The following OR10A4 variants were observed in gnomAD, a reference collection of about 807,000 sequenced individuals.
OR10A4 encodes olfactory receptor family 10 subfamily A member 4.
Under a neutral mutation model 15.4 loss-of-function variants are expected in OR10A4, and 18 were observed. That is an observed-to-expected ratio of 1.17 (90% CI 0.81 to 1.74). The LOEUF (loss-of-function observed/expected upper bound fraction) is 1.74, where lower values mean the gene tolerates loss of function less well. OR10A4 is among the 40% of genes most tolerant of loss of function. The pLI is 0.00. For missense variants in OR10A4, 455 were observed against 372.3 expected (o/e 1.22, Z -1.83); for synonymous variants, 161 against 149.5 (o/e 1.08, Z -0.56).
rs1468201052 is a variant in OR10A4 at position 6,876,851 on chromosome 11, C to T, written c.204C>T (p.Ser68=). Residue 68 remains serine, a synonymous_variant, in exon 1 of 1, where the codon TCC becomes TCT. Coordinates refer to ENST00000379829, the MANE Select transcript of OR10A4 (RefSeq NM_207186.2). The stretch of plus-strand genomic sequence containing the variant: ...TGTACTTCTTCCTCAGAAACTTGTC[C>T]TTCCTGGAGATAGGTTTCAACTTGG... ...SPMYFFLRNL[S]FLEIGFNLVI... The T allele has an allele frequency of 3.7e-6, 6 of 1,614,042 alleles. No homozygotes were observed. The highest frequency in any genetic ancestry group is 4.2e-6 in the Non-Finnish European group (5 of 1,179,992).
In OR10A4 at chr11:6,876,667, C is replaced by T; in HGVS notation, c.20C>T (p.Thr7Ile). The T allele has an allele frequency of 6.2e-7, 1 of 1,611,426 alleles. No homozygotes were observed. Among genetic ancestry groups the T allele is most frequent in the South Asian group, 1.1e-5 (1 of 90,464 alleles). The change falls in exon 1 of 1, where the codon ACA becomes ATA. Residue 7 changes from threonine (T) to isoleucine (I), a missense_variant. By Grantham distance (89) the Thr-to-Ile change is moderately conservative. Transcript: ENST00000379829. ...AGAAGAATGATGTGGGAAAACTGGA[C>T]AATTGTCAGTGAATTTGTTCTCGTG... MMWENW[T>I]IVSEFVLVSF...
Position 6,877,134 on chromosome 11 carries a change from T to C in OR10A4, c.487T>C (p.Trp163Arg), listed in dbSNP as rs79248635. The change falls in exon 1 of 1, where the codon TGG becomes CGG. Residue 163 changes from tryptophan to arginine, a missense_variant. Transcript: ENST00000379829. ...TTCAGTGGCCACTGTGCAAACCACA[T>C]GGATTTTCAGTTTCCCTTTTTGTGG... ...GFSVATVQTT[W>R]IFSFPFCGPN... 957 of 1,614,208 alleles carry C rather than the reference T, an allele frequency of 5.9e-4. 9 individuals are homozygous for C. In the African/African-American group the frequency reaches 0.011, roughly 18 times the overall value.
At position 6,877,053 on chromosome 11, in the gene OR10A4, A is replaced by G. The variant is rs1323388926; in HGVS notation, c.406A>G (p.Ile136Val). ...AICDPLHYPV[I>V]MGHISCAQLA... ...CTGTGACCCCTTGCACTACCCAGTC[A>G]TCATGGGCCACATATCCTGTGCCCA... The change falls in exon 1 of 1, where the codon ATC becomes GTC. Residue 136 changes from isoleucine to valine, a missense_variant. By Grantham distance (29) the Ile-to-Val change is conservative. Transcript: ENST00000379829. 1.9e-6 allele frequency: 3 copies of G among 1,614,220 alleles called. No homozygotes were observed. The highest frequency in any genetic ancestry group is 1.7e-6 in the Non-Finnish European group (2 of 1,180,030).
Position 6,877,050 on chromosome 11 carries a change from G to C in OR10A4, c.403G>C (p.Val135Leu). The stretch of plus-strand genomic sequence containing the variant: ...CATCTGTGACCCCTTGCACTACCCA[G>C]TCATCATGGGCCACATATCCTGTGC... ...VAICDPLHYPVIMGHISCAQL... is the reference protein window; with the variant it reads ...VAICDPLHYPLIMGHISCAQL... The change falls in exon 1 of 1, where the codon GTC becomes CTC. Residue 135 changes from valine to leucine, a missense_variant. Transcript: ENST00000379829. 6.2e-7 allele frequency: 1 copy of C among 1,614,212 alleles called. No homozygotes were observed.
chr11:6,876,834 T>C lies in OR10A4; in HGVS notation c.187T>C (p.Phe63Leu). 6.2e-7 allele frequency: 1 copy of C among 1,614,234 alleles called. No individual in the cohort carries two copies. Residue 63 changes from phenylalanine (F) to leucine (L), a missense_variant, in exon 1 of 1, where the codon TTC (phenylalanine) becomes CTC (leucine). Phe to Leu is a conservative substitution (Grantham distance 22). Transcript: ENST00000379829. ...TGCACTACAAAGTCCTATGTACTTC[T>C]TCCTCAGAAACTTGTCCTTCCTGGA... Reference protein sequence around the residue: ...DSALQSPMYFFLRNLSFLEIG... With the variant: ...DSALQSPMYFLLRNLSFLEIG...
Position 6,877,441 on chromosome 11 carries a change from C to T in OR10A4, c.794C>T (p.Ser265Phe), listed in dbSNP as rs772183811. 3 of 1,614,090 alleles carry T rather than the reference C, an allele frequency of 1.9e-6. No homozygotes were observed. The highest frequency in any genetic ancestry group is 2.2e-5 in the East Asian group (1 of 44,876). Reference protein sequence around the residue: ...TAILTYFRPQSSASSESKKLL... With the variant: ...TAILTYFRPQFSASSESKKLL... ...ATCCTCACGTATTTCCGACCCCAAT[C>T]CAGTGCCTCTTCTGAGAGCAAGAAG... The change falls in exon 1 of 1, where the codon TCC becomes TTC. Residue 265 changes from serine to phenylalanine, a missense_variant. Transcript: ENST00000379829.
In OR10A4 at chr11:6,877,034, C is replaced by T. The variant is rs745763592; in HGVS notation, c.387C>T (p.Asp129=). 6.2e-7 allele frequency: 1 copy of T among 1,614,114 alleles called. No homozygotes were observed. ...MAYDRYVAIC[D]PLHYPVIMGH... is the part of the protein sequence containing the mutation. ...ATGACCGCTACGTGGCCATCTGTGA[C>T]CCCTTGCACTACCCAGTCATCATGG... is the stretch of plus-strand genomic sequence containing the variant. Residue 129 remains aspartate (D), a synonymous_variant, in exon 1 of 1, where the codon GAC becomes GAT. Coordinates refer to ENST00000379829, the MANE Select transcript of OR10A4 (RefSeq NM_207186.2).
At position 6,877,513 on chromosome 11, in the gene OR10A4, T is replaced by A; in HGVS notation, c.866T>A (p.Ile289Asn). The A allele has an allele frequency of 6.2e-7, 1 of 1,614,128 alleles. No individual in the cohort carries two copies. Among genetic ancestry groups the A allele is most frequent in the Non-Finnish European group, 8.5e-7 (1 of 1,180,018 alleles). The part of the protein sequence containing the change: ...STVVTPMLNP[I>N]IYSSRNKEVK... Reference sequence around the variant, plus strand: ...GTGGTGACTCCCATGTTGAACCCCATCATCTACAGCTCAAGGAATAAAGAA... The same window carrying A: ...GTGGTGACTCCCATGTTGAACCCCAACATCTACAGCTCAAGGAATAAAGAA... Residue 289 changes from isoleucine to asparagine, a missense_variant, in exon 1 of 1, where the codon ATC becomes AAC. By Grantham distance (149) the Ile-to-Asn change is moderately radical. Coordinates refer to ENST00000379829, the MANE Select transcript of OR10A4 (RefSeq NM_207186.2).
In OR10A4 at chr11:6,877,591, T is replaced by C; in HGVS notation, c.944T>C (p.Leu315Pro). The C allele has an allele frequency of 6.3e-7, 1 of 1,599,038 alleles. No homozygotes were observed. The highest frequency in any genetic ancestry group is 1.1e-5 in the South Asian group (1 of 89,772). The change falls in exon 1 of 1, where the codon CTA becomes CCA. Residue 315 changes from leucine (L) to proline (P), a missense_variant. Physicochemically the swap from Leu to Pro is moderately conservative, Grantham distance 98. Transcript: ENST00000379829. Reference protein sequence around the residue: ...LIHRTLGSQKL With the variant: ...LIHRTLGSQKP ...CACAGGACCCTGGGCTCTCAGAAAC[T>C]ATGATTGGCTTAGATGGAAACTGAA...
chr11:6,877,434 C>A lies in OR10A4; in HGVS notation c.787C>A (p.Pro263Thr). 8 of 1,614,086 alleles carry A rather than the reference C, an allele frequency of 5.0e-6. No individual in the cohort carries two copies. Among genetic ancestry groups the A allele is most frequent in the Middle Eastern group, 1.6e-4 (1 of 6,062 alleles). Reference sequence around the variant, plus strand: ...CACTGCCATCCTCACGTATTTCCGACCCCAATCCAGTGCCTCTTCTGAGAG... The same window carrying A: ...CACTGCCATCCTCACGTATTTCCGAACCCAATCCAGTGCCTCTTCTGAGAG... ...YSTAILTYFR[P>T]QSSASSESKK... is the part of the protein sequence containing the mutation. Residue 263 changes from proline (P) to threonine (T), a missense_variant, in exon 1 of 1, where the codon CCC becomes ACC. Transcript: ENST00000379829.
rs747996010 is a variant in OR10A4, at chr11:6,877,283, C to A, written c.636C>A (p.Phe212Leu). 7 of 1,614,124 alleles carry A rather than the reference C, an allele frequency of 4.3e-6. No individual in the cohort carries two copies. The highest frequency in any genetic ancestry group is 5.9e-6 in the Non-Finnish European group (7 of 1,180,060). Residue 212 changes from phenylalanine to leucine, a missense_variant, in exon 1 of 1, where the codon TTC becomes TTA. By Grantham distance (22) the Phe-to-Leu change is conservative (BLOSUM62 0). Coordinates refer to ENST00000379829, the MANE Select transcript of OR10A4 (RefSeq NM_207186.2). ...TATVLFILFP[F>L]LLILGSYVRI... ...CTGTCCTATTCATTCTCTTTCCTTTCTTGCTGATCCTGGGATCCTATGTCC... is the reference window on the plus strand; with the variant it reads ...CTGTCCTATTCATTCTCTTTCCTTTATTGCTGATCCTGGGATCCTATGTCC...
chr11:6,876,770 G>A lies in OR10A4; in HGVS notation c.123G>A (p.Met41Ile). 3 of 1,613,896 alleles carry A rather than the reference G, an allele frequency of 1.9e-6. No homozygotes were observed. The highest frequency in any genetic ancestry group is 2.2e-5 in the South Asian group (2 of 91,068). Residue 41 changes from methionine to isoleucine, a missense_variant, in exon 1 of 1, where the codon ATG becomes ATA. Met to Ile is a conservative substitution (Grantham distance 10). Transcript: ENST00000379829. ...TGACCATTTACTTGGTTACTTTAAT[G>A]GGCAATGTCCTCATCATCCTGGTCA... ...LFLTIYLVTL[M>I]GNVLIILVTI...
Position 6,877,095 on chromosome 11 carries a change from T to C in OR10A4, c.448T>C (p.Trp150Arg). ...ISCAQLAAASWFSGFSVATVQ... is the reference protein window; with the variant it reads ...ISCAQLAAASRFSGFSVATVQ... ...CTGTGCCCAGCTGGCAGCTGCCTCT[T>C]GGTTCTCAGGGTTTTCAGTGGCCAC... The change falls in exon 1 of 1, where the codon TGG (tryptophan) becomes CGG (arginine). Residue 150 changes from tryptophan (W) to arginine (R), a missense_variant. By Grantham distance (101) the Trp-to-Arg change is moderately radical (BLOSUM62 -3). Transcript: ENST00000379829. 2 of 1,614,224 alleles carry C rather than the reference T, an allele frequency of 1.2e-6. No individual in the cohort carries two copies. Among genetic ancestry groups the C allele is most frequent in the Non-Finnish European group, 1.7e-6 (2 of 1,180,024 alleles).
At position 6,877,133 on chromosome 11, in the gene OR10A4, A is replaced by G; in HGVS notation, c.486A>G (p.Thr162=). The change falls in exon 1 of 1, where the codon ACA becomes ACG. Residue 162 remains threonine (T), a synonymous_variant. Coordinates refer to ENST00000379829, the MANE Select transcript of OR10A4 (RefSeq NM_207186.2). ...TTTCAGTGGCCACTGTGCAAACCAC[A>G]TGGATTTTCAGTTTCCCTTTTTGTG... ...SGFSVATVQT[T]WIFSFPFCGP... 6.2e-7 allele frequency: 1 copy of G among 1,614,174 alleles called. No individual in the cohort carries two copies. Among genetic ancestry groups the G allele is most frequent in the Non-Finnish European group, 8.5e-7 (1 of 1,180,034 alleles).
chr11:6,877,512 A>C lies in OR10A4; in HGVS notation c.865A>C (p.Ile289Leu). ...STVVTPMLNP[I>L]IYSSRNKEVK... is the part of the protein sequence containing the mutation. ...AGTGGTGACTCCCATGTTGAACCCC[A>C]TCATCTACAGCTCAAGGAATAAAGA... Residue 289 changes from isoleucine (I) to leucine (L), a missense_variant, in exon 1 of 1, where the codon ATC (isoleucine) becomes CTC (leucine). Ile to Leu is a conservative substitution (Grantham distance 5). Coordinates refer to ENST00000379829, the MANE Select transcript of OR10A4 (RefSeq NM_207186.2). The C allele has an allele frequency of 3.1e-6, 5 of 1,614,152 alleles. No homozygotes were observed. The highest frequency in any genetic ancestry group is 4.2e-6 in the Non-Finnish European group (5 of 1,180,014).
rs150905922 is a variant in OR10A4, at chr11:6,877,294, T to G, written c.647T>G (p.Leu216Arg). Residue 216 changes from leucine to arginine, a missense_variant, in exon 1 of 1, where the codon CTG becomes CGG. Coordinates refer to ENST00000379829, the MANE Select transcript of OR10A4 (RefSeq NM_207186.2). ...ATTCTCTTTCCTTTCTTGCTGATCC[T>G]GGGATCCTATGTCCGCATCCTCTCC... Reference protein sequence around the residue: ...LFILFPFLLILGSYVRILSTI... With the variant: ...LFILFPFLLIRGSYVRILSTI... 5.7e-4 allele frequency: 922 copies of G among 1,614,246 alleles called. 4 individuals carry two copies. In the African/African-American group the frequency reaches 0.011, roughly 19 times the overall value.
At position 6,877,322 on chromosome 11, in the gene OR10A4, T is replaced by C. The variant is rs147103801; in HGVS notation, c.675T>C (p.Thr225=). 8.8e-5 allele frequency: 142 copies of C among 1,614,058 alleles called. No individual in the cohort carries two copies. Among genetic ancestry groups the C allele is most frequent in the Non-Finnish European group, 1.2e-4 (140 of 1,180,012 alleles). The change falls in exon 1 of 1, where the codon ACT becomes ACC. Residue 225 remains threonine (T), a synonymous_variant. Transcript: ENST00000379829. ...ILGSYVRILS[T]IFRMPSAEGK... ...GATCCTATGTCCGCATCCTCTCCAC[T>C]ATCTTCAGGATGCCGTCAGCTGAGG...
Position 6,876,981 on chromosome 11 carries a change from G to C in OR10A4, c.334G>C (p.Glu112Gln), listed in dbSNP as rs771743782. 13 of 1,614,054 alleles carry C rather than the reference G, an allele frequency of 8.1e-6. No homozygotes were observed. In the African/African-American group the frequency reaches 1.2e-4, roughly 15 times the overall value. ...TTTCTTCTTCTTTTTTGGGGCTGCT[G>C]AGTGCTGCCTCCTGGCCACCATGGC... ...MYFFFFFGAA[E>Q]CCLLATMAYD... Residue 112 changes from glutamate (E) to glutamine (Q), a missense_variant, in exon 1 of 1, where the codon GAG becomes CAG. By Grantham distance (29) the Glu-to-Gln change is conservative. Transcript: ENST00000379829.
In OR10A4 at chr11:6,877,558, G is replaced by A. The variant is rs140094304; in HGVS notation, c.911G>A (p.Arg304Gln). 5,028 of 1,613,892 alleles carry A rather than the reference G, an allele frequency of 3.1e-3. 38 individuals are homozygous for A. Among genetic ancestry groups the A allele is most frequent in the South Asian group, 0.013 (1,212 of 91,064 alleles). ...AAAGAAGTGAAGGCTGCACTGAAGC[G>A]GCTTATCCACAGGACCCTGGGCTCT... is the stretch of plus-strand genomic sequence containing the variant. ...RNKEVKAALK[R>Q]LIHRTLGSQK... Residue 304 changes from arginine to glutamine, a missense_variant, in exon 1 of 1, where the codon CGG becomes CAG. Transcript: ENST00000379829.
Sources: gnomAD v4.1 joint callset for allele counts on GRCh38, gnomAD v4.1.1 for gene constraint, MANE v1.5 for transcripts, NCBI Gene and HGNC (gene_info 2026-07-23, HGNC 2026-07-21) for gene names.